Variants in SPOCD1 observed in about 807,000 individuals in gnomAD.
SPOCD1 encodes SPOC domain-containing protein 1.
A neutral mutation model predicts 92.2 loss-of-function variants in SPOCD1; 64 were observed. The observed-to-expected ratio is 0.69, with a 90% CI of 0.57 to 0.86. The LOEUF (loss-of-function observed/expected upper bound fraction) is 0.86, where lower values mean the gene tolerates loss of function less well. Ranked by LOEUF, SPOCD1 falls within the 40% of genes least tolerant of loss-of-function variation. The pLI is 0.00. For missense variants in SPOCD1, 1,360 were observed against 1,543.1 expected (o/e 0.88, Z 1.99); for synonymous variants, 578 against 619.3 (o/e 0.93, Z 0.99).
chr1:31,801,761 G>T, intron 2 of SPOCD1, 56 bp from the exon 3 acceptor site: 1 of 1,412,922 alleles, frequency 7.1e-7, no homozygotes, highest in Non-Finnish European at 1.0e-6. Context: ...CCACCCCATG[G>T]CAGGGAATTC....
rs1454735561 is a variant in SPOCD1 at position 31,814,335 on chromosome 1, T to C, written c.999A>G (p.Ser333=). 2 of 1,579,864 alleles carry C rather than the reference T, an allele frequency of 1.3e-6. No homozygotes were observed. Among genetic ancestry groups the C allele is most frequent in the South Asian group, 2.3e-5 (2 of 87,330 alleles). ...PQSAALCLGA[S]AQASAEQQEA... is the part of the protein sequence containing the mutation. ...CTTGCTGCTCTGCAGAGGCCTGTGC[T>C]GACGCCCCCAGGCACAGTGCTGCGC... The change falls in exon 2 of 16, where the codon TCA becomes TCG. Residue 333 remains serine (S), a synonymous_variant. Transcript: ENST00000360482. The surrounding 1 kb of genome is among the most constrained non-coding windows in gnomAD (Gnocchi z 4.2).
chr1:31,807,021 C>A (rs1356104878), intron 2 of SPOCD1, among the ~76,000 whole-genome samples: 2 of 152,072 alleles, frequency 1.3e-5, no homozygotes, highest in African/African-American at 2.4e-5. Flanking sequence ...TAAAGACCAA[C>A]TTCTCAGACC....
In SPOCD1 at chr1:31,796,621, A is replaced by G. The variant is rs772308523; in HGVS notation, c.2240T>C (p.Met747Thr). ...ATCCTCCAGGGTCAGTGTCTGGTCC[A>G]TGTCCCGCTGAATCTCCACTTCGCC... ...HKGEVEIQRD[M>T]DQTLTLEDLV... The change falls in exon 10 of 16, where the codon ATG becomes ACG. Residue 747 changes from methionine to threonine, a missense_variant. Coordinates refer to ENST00000360482, the MANE Select transcript of SPOCD1 (RefSeq NM_144569.7). 2 of 1,614,226 alleles carry G rather than the reference A, an allele frequency of 1.2e-6. No individual in the cohort carries two copies. Among genetic ancestry groups the G allele is most frequent in the East Asian group, 2.2e-5 (1 of 44,880 alleles).
intron 2 of SPOCD1, among the ~76,000 whole-genome samples, chr1:31,809,772 G>C (rs1268368403): frequency 6.6e-6 from 1 of 152,106 alleles, no homozygotes; most frequent in African/African-American, 2.4e-5. Context: ...ACAGTGCCTG[G>C]AACAGAAGAA....
intron 2 of SPOCD1, among the ~76,000 whole-genome samples, chr1:31,802,632 G>C (rs1648541406): frequency 6.6e-6 from 1 of 152,194 alleles, no homozygotes; most frequent in East Asian, 1.9e-4. Context: ...ATACATAATA[G>C]AGGTTATCTC....
At chr1:31,803,948 T>C (rs1018627013) in intron 2 of SPOCD1, among the ~76,000 whole-genome samples, 8 of 151,482 alleles carry the variant, frequency 5.3e-5, no homozygotes, top group African/African-American at 1.9e-4. Context: ...GGAAAGAGAA[T>C]GGGTAGAAGC....
chr1:31,797,825 G>A (rs1384869969), intron 9 of SPOCD1, among the ~76,000 whole-genome samples: 3 of 152,254 alleles, frequency 2.0e-5, no homozygotes, highest in Admixed American at 6.5e-5. Context: ...CCCCCAACCT[G>A]GGGTACCAGG....
At chr1:31,793,557 T>G (rs757039788) in intron 12 of SPOCD1, 129 bp from the exon 13 acceptor site, 40 of 1,493,572 alleles carry the variant, frequency 2.7e-5, no homozygotes, top group Non-Finnish European at 3.6e-5. Flanking sequence ...AAGCTTGGCC[T>G]TGTGCAGGGG....
chr1:31,794,264 T>G, intron 10 of SPOCD1, 29 bp from the exon 11 acceptor site: 1 of 1,577,446 alleles, frequency 6.3e-7, no homozygotes, highest in Non-Finnish European at 8.7e-7. Flanking sequence ...AGGGGCAGGC[T>G]GAAAACGTGG....
chr1:31,814,198 C>A lies in SPOCD1; in HGVS notation c.1136G>T (p.Gly379Val). The A allele has an allele frequency of 6.4e-7, 1 of 1,572,822 alleles. No individual in the cohort carries two copies. The highest frequency in any genetic ancestry group is 1.1e-5 in the South Asian group (1 of 87,030). ...QPASRGRLEQ[G>V]LAAPADTCAS... is the part of the protein sequence containing the mutation. ...ACAGGTGTCAGCGGGGGCAGCGAGT[C>A]CTTGCTCCAGCCTTCCCCTGGAAGC... The change falls in exon 2 of 16, where the codon GGA becomes GTA. Residue 379 changes from glycine (G) to valine (V), a missense_variant. This residue lies in a region of SPOCD1 where 606 missense variants were observed against 601.5 expected (regional missense o/e 1.01). Coordinates refer to ENST00000360482, the MANE Select transcript of SPOCD1 (RefSeq NM_144569.7). The surrounding 1 kb of genome is among the most constrained non-coding windows in gnomAD (Gnocchi z 4.2).
chr1:31,813,861 T>C (rs946373369), intron 2 of SPOCD1, 90 bp downstream of exon 2: 2 of 1,224,106 alleles, frequency 1.6e-6, no homozygotes, highest in Admixed American at 5.6e-5. Flanking sequence ...AGCGCCCATC[T>C]AGCTTAGCTT....
intron 7 of SPOCD1, 63 bp downstream of exon 7, chr1:31,799,338 C>T (rs2149104689): frequency 1.0e-5 from 15 of 1,437,138 alleles, no homozygotes; most frequent in South Asian, 2.4e-5. Context: ...GGCAGGGCCC[C>T]GGAGGCGGGG....
intron 2 of SPOCD1, among the ~76,000 whole-genome samples, chr1:31,801,991 A>C (rs184417700): frequency 1.4e-4 from 22 of 152,298 alleles, no homozygotes; most frequent in Non-Finnish European, 2.8e-4. Context: ...AACCTGGTGA[A>C]ACCCCGTCTC....
At position 31,792,315 on chromosome 1, in the gene SPOCD1, C is replaced by T; in HGVS notation, c.2862G>A (p.Gln954=). ...RLLYSYLNDR[Q]RHGLASVEHM... is the part of the protein sequence containing the mutation. ...GCTCCACAGAGGCCAGCCCGTGGCG[C>T]TGCCTATCATTGAGGTATGAGTAGA... The change falls in exon 15 of 16, where the codon CAG becomes CAA. Residue 954 remains glutamine, a synonymous_variant. Coordinates refer to ENST00000360482, the MANE Select transcript of SPOCD1 (RefSeq NM_144569.7). The T allele has an allele frequency of 1.2e-6, 2 of 1,614,032 alleles. No individual in the cohort carries two copies. The highest frequency in any genetic ancestry group is 2.2e-5 in the South Asian group (2 of 91,062).
rs1289912697 is a variant in SPOCD1, at chr1:31,793,745, ACCTGT to A, written c.2531_2534+1del. The A allele has an allele frequency of 6.2e-7, 1 of 1,613,914 alleles. No individual in the cohort carries two copies. The highest frequency in any genetic ancestry group is 8.5e-7 in the Non-Finnish European group (1 of 1,179,982). ...TCCACCTCCCTGCTCCCAACCCCAC[ACCTGT>A]CCTGTGGTTCCGTGGGAGACAACTC... On this transcript the variant is annotated splice_donor_variant and coding_sequence_variant, in exon 12 of 16. Transcript: ENST00000360482. LOFTEE classifies it high-confidence loss of function.
In SPOCD1 at chr1:31,800,078, A is replaced by G; in HGVS notation, c.1666T>C (p.Tyr556His). The stretch of plus-strand genomic sequence containing the variant: ...GCCAGGGAACCGCTTCTTGGAGGGT[A>G]GAAGGGGTCAGAGAGGCCACCAGGG... The part of the protein sequence containing the change: ...GDPGGLSDPF[Y>H]PPRSGSLALG... Residue 556 changes from tyrosine to histidine, a missense_variant, in exon 5 of 16, where the codon TAC (tyrosine) becomes CAC (histidine). Tyr to His is a moderately conservative substitution (Grantham distance 83). Transcript: ENST00000360482. 6.2e-7 allele frequency: 1 copy of G among 1,607,686 alleles called. No individual in the cohort carries two copies. The highest frequency in any genetic ancestry group is 1.1e-5 in the South Asian group (1 of 90,400).
At position 31,800,425 on chromosome 1, in the gene SPOCD1, A is replaced by G. The variant is rs552124; in HGVS notation, c.1602+16T>C. 1,142,761 of 1,540,766 alleles carry G rather than the reference A, an allele frequency of 0.74. 425,972 individuals are homozygous for G. Among genetic ancestry groups the G allele is most frequent in the South Asian group, 0.82 (69,094 of 84,178 alleles). ...GCCTCTCTCAGCAGGATTAAATGACATCACTTGTTCTGTACCTGGCACCCA... is the reference window on the plus strand; with the variant it reads ...GCCTCTCTCAGCAGGATTAAATGACGTCACTTGTTCTGTACCTGGCACCCA... On this transcript the variant is annotated intron_variant, in intron 4 of 15. Coordinates refer to ENST00000360482, the MANE Select transcript of SPOCD1 (RefSeq NM_144569.7).
intron 2 of SPOCD1, 148 bp downstream of exon 2, chr1:31,813,803 G>T (rs1266381021): frequency 1.6e-6 from 1 of 634,622 alleles, no homozygotes. Flanking sequence ...CAGTTTGTGG[G>T]CCTCATTTTA....
intron 9 of SPOCD1, among the ~76,000 whole-genome samples, chr1:31,797,446 A>G (rs1052919722): frequency 1.3e-5 from 2 of 152,240 alleles, no homozygotes; most frequent in African/African-American, 4.8e-5. Context: ...AAAGGGCCCC[A>G]CATTTTCATT....
Sources: allele counts gnomAD v4.1 joint callset (sites outside exome capture counted in the v4.1 genomes callset), GRCh38; gene constraint gnomAD v4.1.1; regional missense constraint gnomAD v4.1.1; non-coding constraint Gnocchi (gnomAD v3.1); transcripts MANE v1.5; gene names NCBI Gene and HGNC (gene_info 2026-07-23, HGNC 2026-07-21).